REPS2: variants seen among roughly 807,000 people sequenced by gnomAD.
The protein encoded by REPS2 is ralBP1-associated Eps domain-containing protein 2.
Under a neutral mutation model 53.6 loss-of-function variants are expected in REPS2, and 23 were observed. The ratio of observed to expected loss-of-function variants is 0.43; its 90% CI spans 0.31 to 0.61. The LOEUF is 0.61. Among genes scored for constraint, REPS2 ranks in the 20% least tolerant of loss-of-function variants. REPS2 has a pLI of 0.11. For synonymous variants in REPS2, 238 were observed against 218.6 expected (o/e 1.09, Z -0.78); for missense variants, 446 against 534.9 (o/e 0.83, Z 1.64).
intron 2 of REPS2, among the ~76,000 whole-genome samples, chrX:17,016,001 T>G (rs769709688): frequency 8.9e-6 from 1 of 111,886 alleles, no homozygotes; most frequent in East Asian, 2.8e-4. Flanking sequence ...ACTTCCACAA[T>G]GATTGAACTA....
chrX:17,110,575 CCAGCTACT>C (rs2062951742), intron 14 of REPS2, among the ~76,000 whole-genome samples: 1 of 107,495 alleles, frequency 9.3e-6, no homozygotes, highest in Non-Finnish European at 1.9e-5. Context: ...GCCTGTAGTC[CCAGCTACT>C]CAGGAGGCTG....
the REPS2 span, among the ~76,000 whole-genome samples, chrX:17,160,525 A>G: frequency 1.8e-5 from 2 of 112,928 alleles, no homozygotes; most frequent in African/African-American, 6.4e-5. Context: ...GTTCTTAAGA[A>G]TTGTATACTA....
At chrX:17,058,649 A>G (rs1383228147) in intron 8 of REPS2, among the ~76,000 whole-genome samples, 1 of 111,422 alleles carries the variant, frequency 9.0e-6, no homozygotes, top group African/African-American at 3.3e-5. Context: ...CTGGACTTTT[A>G]TGGAGACTGT....
intron 8 of REPS2, among the ~76,000 whole-genome samples, chrX:17,062,097 G>A (rs920833728): frequency 8.9e-6 from 1 of 112,434 alleles, no homozygotes; most frequent in African/African-American, 3.2e-5. Context: ...GATGGTTATT[G>A]TGGAAAATTA....
chrX:17,141,647 G>A (rs2063448506), intron 17 of REPS2, among the ~76,000 whole-genome samples: 1 of 112,040 alleles, frequency 8.9e-6, no homozygotes, highest in African/African-American at 3.2e-5. Flanking sequence ...TAATGTATGA[G>A]AGTTCCAATT....
Position 17,153,002 on chromosome X carries a change from T to C in REPS2, c.*5521T>C, listed in dbSNP as rs1161033399. The C allele has an allele frequency of 2.7e-5, 3 of 112,872 alleles. No homozygotes were observed. Among genetic ancestry groups the C allele is most frequent in the Non-Finnish European group, 1.9e-5 (1 of 53,355 alleles). The allele number at this position is 112,872 out of a possible 1,213,427, so 9.3% of individuals were successfully genotyped here. On this transcript the variant is annotated 3_prime_UTR_variant, in exon 18 of 18. Coordinates refer to ENST00000357277, the MANE Select transcript of REPS2 (RefSeq NM_004726.3). ...AGTATATATTTGATGCCTTCTGTCT[T>C]TTCATGATAATGTGCTAACAAGTTG...
chrX:17,078,558 G>A (rs1298210331), intron 13 of REPS2, among the ~76,000 whole-genome samples: 1 of 112,385 alleles, frequency 8.9e-6, no homozygotes, highest in African/African-American at 3.2e-5. Flanking sequence ...TGACTGGTAT[G>A]TAGGGTGGGA....
chrX:17,127,557 G>A (rs1019420900), intron 14 of REPS2, among the ~76,000 whole-genome samples: 20 of 111,829 alleles, frequency 1.8e-4, no homozygotes, highest in African/African-American at 6.5e-4. Context: ...ATGGAAATGG[G>A]GGATGGTGTT....
rs58530978 is a variant in REPS2 at position 17,093,166 on chromosome X, C to CTATATATATATA, written c.1517-10529_1517-10518dup. Among the ~76,000 whole-genome samples, 132 of 39,094 alleles carry CTATATATATATA rather than the reference C, an allele frequency of 3.4e-3. 3 individuals carry two copies. Among genetic ancestry groups the CTATATATATATA allele is most frequent in the African/African-American group, 6.7e-3 (56 of 8,362 alleles). The allele number at this position is 39,094 out of a possible 115,157, so 33.9% of individuals were successfully genotyped here. ...ACAAGGAAAAATGCATGAGTTAATG[C>CTATATATATATA]TATATATATATATATATATATATAT... On this transcript the variant is annotated intron_variant, in intron 13 of 17. Transcript: ENST00000357277.
the REPS2 span, among the ~76,000 whole-genome samples, chrX:17,172,973 G>GTA: frequency 3.3e-5 from 2 of 60,990 alleles, no homozygotes; most frequent in African/African-American, 1.1e-4. Context: ...CTGTGTGTAT[G>GTA]TATGTGTGTG....
chrX:17,195,158 C>G, the REPS2 span, among the ~76,000 whole-genome samples: 1 of 112,059 alleles, frequency 8.9e-6, no homozygotes, highest in Non-Finnish European at 1.9e-5. Flanking sequence ...TCTTCATGCT[C>G]TCTCTTCAGA....
At position 17,025,288 on chromosome X, in the gene REPS2, AC is replaced by A. The variant is rs772289861; in HGVS notation, c.673+107del. The stretch of plus-strand genomic sequence containing the variant: ...AGCTGCTTAATTTCCTGATTTAATT[AC>A]CCCTGTCTTTGGAAACATGGCTCAA... On this transcript the variant is annotated intron_variant, in intron 4 of 17. Transcript: ENST00000357277. The A allele has an allele frequency of 4.7e-4, 400 of 854,208 alleles. 3 individuals are homozygous for A. In the African/African-American group the frequency reaches 6.9e-3, roughly 15 times the overall value. 70.4% of individuals were successfully genotyped at this position (854,208 alleles called of 1,213,427 possible). A position where few individuals can be genotyped will look rare whatever the true frequency, so the allele number is the denominator to read the frequency against.
intron 1 of REPS2, among the ~76,000 whole-genome samples, chrX:16,973,645 A>T (rs1479610868): frequency 8.9e-6 from 1 of 111,957 alleles, no homozygotes; most frequent in South Asian, 3.7e-4. Flanking sequence ...TAAACTTTTT[A>T]TACTGAAGTA....
In REPS2 at chrX:17,149,615, T is replaced by G. The variant is rs891910184; in HGVS notation, c.*2134T>G. On this transcript the variant is annotated 3_prime_UTR_variant, in exon 18 of 18. Coordinates refer to ENST00000357277, the MANE Select transcript of REPS2 (RefSeq NM_004726.3). ...GCCACCCGCCCGGCTATCAGCACTGTTCTGATTGCAGACGTTTCACAGCAT... is the reference window on the plus strand; with the variant it reads ...GCCACCCGCCCGGCTATCAGCACTGGTCTGATTGCAGACGTTTCACAGCAT... 8.9e-6 allele frequency: 1 copy of G among 112,788 alleles called. No individual in the cohort carries two copies. Among genetic ancestry groups the G allele is most frequent in the Non-Finnish European group, 1.9e-5 (1 of 53,503 alleles). The allele number at this position is 112,788 out of a possible 1,213,427, so 9.3% of individuals were successfully genotyped here.
intron 2 of REPS2, among the ~76,000 whole-genome samples, chrX:17,009,013 T>C (rs1305565448): frequency 9.0e-6 from 1 of 111,618 alleles, no homozygotes; most frequent in Non-Finnish European, 1.9e-5. Flanking sequence ...GTCCTAGCAA[T>C]GTGGCTCCAA....
rs142635698 is a variant in REPS2 at position 16,976,469 on chromosome X, C to G, written c.273+29335C>G. 3.6e-5 allele frequency among the ~76,000 whole-genome samples: 4 copies of G among 110,964 alleles called. No homozygotes were observed. In the Admixed American group the frequency reaches 3.8e-4, roughly 11 times the overall value. ...TGGTTGTCTACCAATTGGATATAGT[C>G]ACTCAGATCATCCATGTTTTTGTAC... On this transcript the variant is annotated intron_variant, in intron 1 of 17. Coordinates refer to ENST00000357277, the MANE Select transcript of REPS2 (RefSeq NM_004726.3).
In REPS2 at chrX:17,149,138, T is replaced by C. The variant is rs1465679508; in HGVS notation, c.*1657T>C. The C allele has an allele frequency of 4.0e-6, 1 of 250,916 alleles. No individual in the cohort carries two copies. Among genetic ancestry groups the C allele is most frequent in the African/African-American group, 2.9e-5 (1 of 34,867 alleles). The allele number at this position is 250,916 out of a possible 1,213,427, so 20.7% of individuals were successfully genotyped here. On this transcript the variant is annotated 3_prime_UTR_variant, in exon 18 of 18. Coordinates refer to ENST00000357277, the MANE Select transcript of REPS2 (RefSeq NM_004726.3). ...AAAATCATGAAACTTGAACTATTTTTCTATTCCCTTTTTTTCTTCCCCATT... is the reference window on the plus strand; with the variant it reads ...AAAATCATGAAACTTGAACTATTTTCCTATTCCCTTTTTTTCTTCCCCATT...
Position 17,062,475 on chromosome X carries a change from T to A in REPS2, c.1152T>A (p.Asp384Glu). The A allele has an allele frequency of 8.3e-7, 1 of 1,206,130 alleles. No individual in the cohort carries two copies. Among genetic ancestry groups the A allele is most frequent in the Admixed American group, 2.2e-5 (1 of 44,935 alleles). Residue 384 changes from aspartate to glutamate, a missense_variant, in exon 9 of 18, where the codon GAT becomes GAA. By Grantham distance (45) the Asp-to-Glu change is conservative (BLOSUM62 2). Transcript: ENST00000357277. ...PKPKWDCQLF[D>E]SYSESLPANQ... ...CCAAATGGGACTGTCAATTATTTGA[T>A]TCTTATTCTGAGTCACTGCCGGCAA...
intron 1 of REPS2, among the ~76,000 whole-genome samples, chrX:16,993,799 G>A (rs996477961): frequency 8.9e-6 from 1 of 112,678 alleles, no homozygotes; most frequent in African/African-American, 3.2e-5. Flanking sequence ...GGAATGATCA[G>A]GGCTCACCTT....
Sources: gnomAD v4.1 joint callset for allele counts (sites outside exome capture counted in the v4.1 genomes callset) on GRCh38, gnomAD v4.1.1 for gene constraint, MANE v1.5 for transcripts, NCBI Gene and HGNC (gene_info 2026-07-23, HGNC 2026-07-21) for gene names.